The following DCAF5 variants were observed in gnomAD, a reference collection of about 807,000 sequenced individuals.
DCAF5 encodes the protein DDB1 and CUL4 associated factor 5.
Under a neutral mutation model 80.7 loss-of-function variants are expected in DCAF5, and 9 were observed. The ratio of observed to expected loss-of-function variants is 0.11; its 90% CI spans 0.07 to 0.19. The LOEUF (loss-of-function observed/expected upper bound fraction) is 0.19, where lower values mean the gene tolerates loss of function less well. DCAF5 is among the 10% of genes least tolerant of loss of function. The probability of loss-of-function intolerance (pLI) is 1.00; values close to 1 mark genes in which losing one functional copy is unlikely to be tolerated. For missense variants in DCAF5, 842 were observed against 1,205.7 expected (o/e 0.70, Z 4.47); for synonymous variants, 433 against 461.9 (o/e 0.94, Z 0.80).
chr14:69,150,716 C>T (rs1475381644), intron 1 of DCAF5, among the ~76,000 whole-genome samples: 7 of 137,136 alleles, frequency 5.1e-5, no homozygotes, highest in Middle Eastern at 3.7e-3. Flanking sequence ...GGAGACTCCA[C>T]CTCTACAAAA....
At chr14:69,119,630 G>A (rs181379045) in intron 2 of DCAF5, among the ~76,000 whole-genome samples, 2 of 151,426 alleles carry the variant, frequency 1.3e-5, no homozygotes, top group African/African-American at 2.4e-5. Context: ...TGGAAGAATC[G>A]CTTGAGGTCA....
intron 1 of DCAF5, among the ~76,000 whole-genome samples, chr14:69,123,125 C>T (rs1005648128): frequency 1.3e-5 from 2 of 152,160 alleles, no homozygotes; most frequent in Non-Finnish European, 2.9e-5. Context: ...GATAGCACAT[C>T]CATACAAGGG....
chr14:69,140,084 A>C (rs1203921160), intron 1 of DCAF5, among the ~76,000 whole-genome samples: 2 of 151,998 alleles, frequency 1.3e-5, no homozygotes, highest in African/African-American at 4.8e-5. Flanking sequence ...TGGGCGACGT[A>C]GAGAAATCTC....
chr14:69,111,332 A>G (rs1174281271), intron 5 of DCAF5, among the ~76,000 whole-genome samples: 1 of 152,194 alleles, frequency 6.6e-6, no homozygotes, highest in East Asian at 1.9e-4. Flanking sequence ...GATAGTAGGA[A>G]CTTGCTCTCA....
At chr14:69,140,192 G>A (rs534149232) in intron 1 of DCAF5, among the ~76,000 whole-genome samples, 6 of 151,976 alleles carry the variant, frequency 3.9e-5, no homozygotes, top group Admixed American at 2.0e-4. Flanking sequence ...TCTTGAACCC[G>A]GGAGGCGGAG....
At chr14:69,131,408 C>T (rs572588971) in intron 1 of DCAF5, among the ~76,000 whole-genome samples, 1 of 152,124 alleles carries the variant, frequency 6.6e-6, no homozygotes, top group African/African-American at 2.4e-5. Flanking sequence ...GAAACTGCAG[C>T]GCATTACAGA....
intron 1 of DCAF5, among the ~76,000 whole-genome samples, chr14:69,149,754 C>A (rs2041645846): frequency 6.6e-6 from 1 of 152,176 alleles, no homozygotes; most frequent in Non-Finnish European, 1.5e-5. Flanking sequence ...CAACAAAATG[C>A]ATAAAAGTAA....
Position 69,065,347 on chromosome 14 carries a change from G to C in DCAF5, c.947-2836C>G, listed in dbSNP as rs569898771. On this transcript the variant is annotated intron_variant, in intron 7 of 8. Transcript: ENST00000341516. The stretch of plus-strand genomic sequence containing the variant: ...CCTGACCTCATGATCCACCCGCCTC[G>C]GCCTCCCAAAGTGCTGGGATTACAG... 1.5e-3 allele frequency among the ~76,000 whole-genome samples: 226 copies of C among 152,070 alleles called. 5 individuals are homozygous for C. In the South Asian group the frequency reaches 0.028, roughly 19 times the overall value.
chr14:69,065,563 C>T lies in DCAF5; in HGVS notation c.947-3052G>A, dbSNP rs559829746. 1.6e-4 allele frequency among the ~76,000 whole-genome samples: 24 copies of T among 152,152 alleles called. 1 individual carries two copies. Among genetic ancestry groups the T allele is most frequent in the Admixed American group, 3.3e-4 (5 of 15,274 alleles). The stretch of plus-strand genomic sequence containing the variant: ...ATAGTGGCCATTTGTTTAAGGTAAC[C>T]AAGACTGTGTACAATCATAGCAATA... On this transcript the variant is annotated intron_variant, in intron 7 of 8. Coordinates refer to ENST00000341516, the MANE Select transcript of DCAF5 (RefSeq NM_003861.3).
intron 2 of DCAF5, among the ~76,000 whole-genome samples, chr14:69,119,721 T>C (rs1281090015): frequency 5.0e-5 from 7 of 141,324 alleles, no homozygotes; most frequent in Non-Finnish European, 6.2e-5. Flanking sequence ...AAAAAAAAAG[T>C]AGGGGGGAAA....
intron 1 of DCAF5, among the ~76,000 whole-genome samples, chr14:69,145,053 T>C (rs1407361699): frequency 1.3e-5 from 2 of 152,204 alleles, no homozygotes; most frequent in Non-Finnish European, 2.9e-5. Context: ...ATAACACTTT[T>C]ATTGTTTTTC....
chr14:69,084,204 G>A, intron 6 of DCAF5: 5 of 975,326 alleles, frequency 5.1e-6, no homozygotes, highest in Non-Finnish European at 6.7e-6. Flanking sequence ...GAGCTAATGA[G>A]TCACCACGTG....
At chr14:69,083,183 G>T (rs2039181535) in intron 6 of DCAF5, among the ~76,000 whole-genome samples, 1 of 152,178 alleles carries the variant, frequency 6.6e-6, no homozygotes, top group Non-Finnish European at 1.5e-5. Flanking sequence ...TAATACCTGA[G>T]CCTCTAGGTT....
intron 1 of DCAF5, among the ~76,000 whole-genome samples, chr14:69,144,215 C>T (rs1438531458): frequency 6.6e-6 from 1 of 151,824 alleles, no homozygotes; most frequent in Non-Finnish European, 1.5e-5. Context: ...TAGCAGAAGG[C>T]CTGGCATACG....
rs1393266522 is a variant in DCAF5, at chr14:69,054,099, C to T, written c.2587G>A (p.Gly863Arg). Reference sequence around the variant, plus strand: ...TTATCACGGTCAGTGTCTGAGTGTCCTGGGGAAGAGTAGGCCACCACCTCC... The same window carrying T: ...TTATCACGGTCAGTGTCTGAGTGTCTTGGGGAAGAGTAGGCCACCACCTCC... The part of the protein sequence containing the change: ...ELEVVAYSSP[G>R]HSDTDRDNSS... The change falls in exon 9 of 9, where the codon GGA becomes AGA. Residue 863 changes from glycine (G) to arginine (R), a missense_variant. Gly to Arg is a moderately radical substitution (Grantham distance 125). Transcript: ENST00000341516. 1.2e-6 allele frequency: 2 copies of T among 1,614,228 alleles called. No homozygotes were observed. Among genetic ancestry groups the T allele is most frequent in the African/African-American group, 1.3e-5 (1 of 75,052 alleles).
At chr14:69,073,863 T>A (rs1594949359) in intron 7 of DCAF5, among the ~76,000 whole-genome samples, 1 of 152,180 alleles carries the variant, frequency 6.6e-6, no homozygotes, top group African/African-American at 2.4e-5. Flanking sequence ...AACCCAAAGA[T>A]TACTTCTCAA....
chr14:69,055,270 T>C lies in DCAF5; in HGVS notation c.1416A>G (p.Thr472=). Residue 472 remains threonine, a synonymous_variant, in exon 9 of 9, where the codon ACA becomes ACG. Transcript: ENST00000341516. This position sits in a 1 kb window ranked among gnomAD's most constrained non-coding sequence, Gnocchi z 5.6. ...SASLPRSPPP[T]VDESADNAFH... ...AGGCGTTGTCGGCAGACTCATCTAC[T>C]GTGGGAGGCGGGGAGCGAGGCAATG... The C allele has an allele frequency of 6.2e-7, 1 of 1,614,166 alleles. No individual in the cohort carries two copies. The highest frequency in any genetic ancestry group is 8.5e-7 in the Non-Finnish European group (1 of 1,180,014).
In DCAF5 at chr14:69,118,453, A is replaced by G. The variant is rs563661502; in HGVS notation, c.396-175T>C. 1.4e-3 allele frequency among the ~76,000 whole-genome samples: 215 copies of G among 152,348 alleles called. 5 individuals carry two copies. In the South Asian group the frequency reaches 0.028, roughly 20 times the overall value. On this transcript the variant is annotated intron_variant, in intron 3 of 8. Transcript: ENST00000341516. The surrounding 1 kb of genome is among the most constrained non-coding windows in gnomAD (Gnocchi z 4.0). Reference sequence around the variant, plus strand: ...GTAGGTAGTCAACTTTCAGGTTAAAAAAAAGGTACTATTAAGGAGTCTTTT... The same window carrying G: ...GTAGGTAGTCAACTTTCAGGTTAAAGAAAAGGTACTATTAAGGAGTCTTTT...
chr14:69,095,990 T>A (rs913760403), intron 5 of DCAF5, among the ~76,000 whole-genome samples: 3 of 152,134 alleles, frequency 2.0e-5, no homozygotes, highest in Non-Finnish European at 4.4e-5. Context: ...TGGGAGAAAG[T>A]CTCTCCCCAT....
Sources: allele counts gnomAD v4.1 joint callset (sites outside exome capture counted in the v4.1 genomes callset), GRCh38; gene constraint gnomAD v4.1.1; non-coding constraint Gnocchi (gnomAD v3.1); transcripts MANE v1.5; gene names NCBI Gene and HGNC (gene_info 2026-07-23, HGNC 2026-07-21).